The following ZSWIM5 variants were observed in gnomAD, a reference collection of about 807,000 sequenced individuals.
ZSWIM5 encodes zinc finger SWIM domain-containing protein 5.
In ZSWIM5, 55 loss-of-function variants were observed where a neutral mutation model predicts 119.6. The ratio of observed to expected loss-of-function variants is 0.46; its 90% CI spans 0.37 to 0.58. ZSWIM5 has a LOEUF of 0.58. ZSWIM5 is among the 20% of genes least tolerant of loss of function. The pLI is 0.00. For synonymous variants in ZSWIM5, 537 were observed against 606.9 expected, an observed-to-expected ratio of 0.88 and a Z score of 1.69; for missense variants, 1,193 against 1,512.8, an observed-to-expected ratio of 0.79 and a Z score of 3.51.
intron 1 of ZSWIM5, among the ~76,000 whole-genome samples, chr1:45,179,439 A>G (rs940836214): frequency 6.6e-5 from 10 of 152,132 alleles, no homozygotes; most frequent in African/African-American, 2.4e-4. Flanking sequence ...ACTGATGAAT[A>G]CAACATAGGG....
At chr1:45,113,902 G>A in intron 1 of ZSWIM5, among the ~76,000 whole-genome samples, 1 of 152,156 alleles carries the variant, frequency 6.6e-6, no homozygotes, top group Admixed American at 6.5e-5. Context: ...ATCACTTAAT[G>A]TTGAACCTTG....
intron 11 of ZSWIM5, among the ~76,000 whole-genome samples, chr1:45,029,829 T>C (rs1296937818): frequency 6.6e-6 from 1 of 152,214 alleles, no homozygotes; most frequent in Admixed American, 6.5e-5. Context: ...ATTTTGTTTA[T>C]CCATTCATCT....
intron 1 of ZSWIM5, among the ~76,000 whole-genome samples, chr1:45,179,170 T>C (rs888814668): frequency 2.0e-5 from 3 of 152,104 alleles, no homozygotes; most frequent in South Asian, 4.1e-4. Flanking sequence ...TACAGCACTA[T>C]TCAAATTAGC....
chr1:45,134,097 CT>C (rs1645675312), intron 1 of ZSWIM5, among the ~76,000 whole-genome samples: 1 of 152,062 alleles, frequency 6.6e-6, no homozygotes, highest in Non-Finnish European at 1.5e-5. Flanking sequence ...GATGCGGGCT[CT>C]TTTTTGGTTC....
At chr1:45,048,073 TTC>T (rs1280398438) in intron 5 of ZSWIM5, among the ~76,000 whole-genome samples, 284 of 24,782 alleles carry the variant, frequency 0.011, 7 homozygotes, top group African/African-American at 0.045. Flanking sequence ...TTCTTTCCTT[TTC>T]TTTTCTCTTT....
chr1:45,195,543 T>A (rs1265825316), intron 1 of ZSWIM5, among the ~76,000 whole-genome samples: 2 of 151,534 alleles, frequency 1.3e-5, no homozygotes, highest in Non-Finnish European at 2.9e-5. Flanking sequence ...AAAAAAAAAA[T>A]AGGTTTTATA....
chr1:45,110,719 G>A (rs774113221), intron 1 of ZSWIM5, among the ~76,000 whole-genome samples: 9 of 152,096 alleles, frequency 5.9e-5, no homozygotes, highest in Non-Finnish European at 1.2e-4. Context: ...AAGTCTCTAC[G>A]GAAATAGTGC....
intron 1 of ZSWIM5, among the ~76,000 whole-genome samples, chr1:45,164,346 G>C (rs577498926): frequency 2.3e-4 from 35 of 152,216 alleles, no homozygotes; most frequent in East Asian, 5.8e-4. Context: ...GGAACAACCG[G>C]TACCAGCCAC....
In ZSWIM5 at chr1:45,063,027, T is replaced by C. The variant is rs1328441703; in HGVS notation, c.953-2780A>G. 3.3e-5 allele frequency among the ~76,000 whole-genome samples: 5 copies of C among 152,180 alleles called. No homozygotes were observed. The South Asian group carries it at 8.3e-4, about 25-fold the overall frequency. On this transcript the variant is annotated intron_variant, in intron 2 of 13. Coordinates refer to ENST00000359600, the MANE Select transcript of ZSWIM5 (RefSeq NM_020883.2). ...TCTACTGTCCCCATCTTTATGACCATGTGTAACCAATGCTTAGCTCCCACT... is the reference window on the plus strand; with the variant it reads ...TCTACTGTCCCCATCTTTATGACCACGTGTAACCAATGCTTAGCTCCCACT...
chr1:45,018,756 G>A lies in ZSWIM5; in HGVS notation c.3256C>T (p.Pro1086Ser). The stretch of plus-strand genomic sequence containing the variant: ...CGGCCTGGGATGCCGGCCAGGCCAG[G>A]TGCAGTCACTGTGCAGCGTCGTAAG... The part of the protein sequence containing the change: ...DILRRCTVTA[P>S]GLAGIPGRRS... The change falls in exon 14 of 14, where the codon CCT (proline) becomes TCT (serine). Residue 1086 changes from proline to serine, a missense_variant. Coordinates refer to ENST00000359600, the MANE Select transcript of ZSWIM5 (RefSeq NM_020883.2). This position sits in a 1 kb window ranked among gnomAD's most constrained non-coding sequence, Gnocchi z 6.7. 6.2e-7 allele frequency: 1 copy of A among 1,614,246 alleles called. No individual in the cohort carries two copies. Among genetic ancestry groups the A allele is most frequent in the Non-Finnish European group, 8.5e-7 (1 of 1,180,042 alleles).
chr1:45,201,187 C>T (rs1231581557), intron 1 of ZSWIM5, among the ~76,000 whole-genome samples: 1 of 152,132 alleles, frequency 6.6e-6, no homozygotes, highest in African/African-American at 2.4e-5. Flanking sequence ...CAAGAGGCAA[C>T]AAAGGATTCC....
rs1491125778 is a variant in ZSWIM5 at position 45,046,632 on chromosome 1, A to ATGTGTGTGTGTGTG, written c.1433-3238_1433-3237insCACACACACACACA. ...AGTTGAGAGGAAAGGTCTGGGCAAG[A>ATGTGTGTGTGTGTG]TATGTGTGTGTGTGTGTGTGTGTGT... On this transcript the variant is annotated intron_variant, in intron 5 of 13. Coordinates refer to ENST00000359600, the MANE Select transcript of ZSWIM5 (RefSeq NM_020883.2). Among the ~76,000 whole-genome samples, 2 of 92,524 alleles carry ATGTGTGTGTGTGTG rather than the reference A, an allele frequency of 2.2e-5. 1 individual carries two copies. Among genetic ancestry groups the ATGTGTGTGTGTGTG allele is most frequent in the Non-Finnish European group, 4.2e-5 (2 of 47,282 alleles). 60.7% of individuals were successfully genotyped at this position (92,524 alleles called of 152,430 possible).
intron 11 of ZSWIM5, among the ~76,000 whole-genome samples, chr1:45,029,914 T>C (rs1191505109): frequency 1.3e-5 from 2 of 152,168 alleles, no homozygotes; most frequent in Non-Finnish European, 2.9e-5. Flanking sequence ...CTGCTTGCAA[T>C]TCTTTTGGAC....
At chr1:45,184,749 A>G (rs1468194200) in intron 1 of ZSWIM5, among the ~76,000 whole-genome samples, 1 of 152,098 alleles carries the variant, frequency 6.6e-6, no homozygotes, top group Non-Finnish European at 1.5e-5. Flanking sequence ...GAAATAAAAG[A>G]GGATACAAAC....
At chr1:45,068,684 T>C (rs1041511102) in intron 2 of ZSWIM5, among the ~76,000 whole-genome samples, 25 of 151,872 alleles carry the variant, frequency 1.6e-4, no homozygotes, top group African/African-American at 5.5e-4. Flanking sequence ...AAGTTTCAAC[T>C]GGAAAGTTGA....
chr1:45,043,345 G>A lies in ZSWIM5; in HGVS notation c.1483C>T (p.Arg495Cys), dbSNP rs373688548. The A allele has an allele frequency of 5.0e-6, 8 of 1,614,066 alleles. No homozygotes were observed. The highest frequency in any genetic ancestry group is 1.7e-5 in the Admixed American group (1 of 59,996). The change falls in exon 6 of 14, where the codon CGT becomes TGT. Residue 495 changes from arginine (R) to cysteine (C), a missense_variant. Arg to Cys is a radical substitution (Grantham distance 180, BLOSUM62 -3). Around this residue, in one of 2 missense-constraint regions of ZSWIM5, gnomAD observed 961 missense variants for 1,290.0 expected, o/e 0.74. Transcript: ENST00000359600. ...RTVFTRAIEG[R>C]ELHWQDSHLQ... Reference sequence around the variant, plus strand: ...TGGCTATCCTGCCAATGTAATTCACGCCCCTCAATGGCTCTAGTGAATACT... The same window carrying A: ...TGGCTATCCTGCCAATGTAATTCACACCCCTCAATGGCTCTAGTGAATACT...
intron 11 of ZSWIM5, among the ~76,000 whole-genome samples, chr1:45,031,169 A>ATTTTTTTTTTTTTT (rs34390567): frequency 3.2e-5 from 2 of 61,746 alleles, no homozygotes; most frequent in Admixed American, 2.5e-4. Context: ...TTTTGCTCTG[A>ATTTTTTTTTTTTTT]TTTTTTTTTT....
intron 7 of ZSWIM5, 129 bp from the exon 8 acceptor site, chr1:45,039,202 G>T: frequency 8.4e-7 from 1 of 1,184,616 alleles, no homozygotes; most frequent in Non-Finnish European, 1.2e-6. Flanking sequence ...CTATTGTCTT[G>T]CCTTGGGTTG....
intron 1 of ZSWIM5, among the ~76,000 whole-genome samples, chr1:45,142,330 C>T (rs745477253): frequency 3.9e-5 from 6 of 152,140 alleles, no homozygotes; most frequent in Non-Finnish European, 7.4e-5. Context: ...AAAGATTAAA[C>T]AGATATCTGA....
Sources: gnomAD v4.1 joint callset for allele counts (sites outside exome capture counted in the v4.1 genomes callset) on GRCh38, gnomAD v4.1.1 for gene constraint, gnomAD v4.1.1 regional missense constraint, Gnocchi (gnomAD v3.1) non-coding constraint, MANE v1.5 for transcripts, NCBI Gene and HGNC (gene_info 2026-07-23, HGNC 2026-07-21) for gene names.